The following KANSL3 variants were observed in gnomAD, a reference collection of about 807,000 sequenced individuals.
KANSL3 encodes NSL complex protein NSL3.
A neutral mutation model predicts 89.2 loss-of-function variants in KANSL3; 16 were observed. That is an observed-to-expected ratio of 0.18 (90% confidence interval 0.12 to 0.27). The LOEUF is 0.27. Among genes scored for constraint, KANSL3 ranks in the 10% least tolerant of loss-of-function variants. The probability of loss-of-function intolerance (pLI) is 1.00; values close to 1 mark genes in which losing one functional copy is unlikely to be tolerated. For missense variants in KANSL3, 879 were observed against 1,110.6 expected, an observed-to-expected ratio of 0.79 and a Z score of 2.96; for synonymous variants, 385 against 419.7, an observed-to-expected ratio of 0.92 and a Z score of 1.01.
At chr2:96,633,253 CA>C (rs1203356042) in intron 2 of KANSL3, among the ~76,000 whole-genome samples, 35 of 137,450 alleles carry the variant, frequency 2.5e-4, no homozygotes, top group Middle Eastern at 3.8e-3. Context: ...GACCTCGGCC[CA>C]AAAAAAAAAA....
the KANSL3 span, among the ~76,000 whole-genome samples, chr2:96,585,735 A>AT: frequency 2.0e-5 from 3 of 152,188 alleles, no homozygotes; most frequent in Non-Finnish European, 4.4e-5. Flanking sequence ...CAAAGAGTGG[A>AT]TAAAAAAAAA....
chr2:96,636,360 TATAAC>T (rs1277540274), intron 2 of KANSL3, among the ~76,000 whole-genome samples: 1 of 152,234 alleles, frequency 6.6e-6, no homozygotes, highest in Non-Finnish European at 1.5e-5. Flanking sequence ...TTCCTTACCC[TATAAC>T]ATAGGCTGGG....
intron 5 of KANSL3, among the ~76,000 whole-genome samples, chr2:96,618,132 T>C (rs2070552766): frequency 6.6e-6 from 1 of 151,306 alleles, no homozygotes; most frequent in South Asian, 2.1e-4. Context: ...CACTCCAGCC[T>C]GAGTGAGAGA....
intron 5 of KANSL3, among the ~76,000 whole-genome samples, chr2:96,614,414 T>C (rs2069573247): frequency 6.6e-6 from 1 of 152,174 alleles, no homozygotes; most frequent in Non-Finnish European, 1.5e-5. Flanking sequence ...TACAAGGATA[T>C]ATAATAACAC....
chr2:96,637,636 G>T (rs1056382588), intron 1 of KANSL3, among the ~76,000 whole-genome samples: 2 of 152,216 alleles, frequency 1.3e-5, no homozygotes, highest in Non-Finnish European at 2.9e-5. Flanking sequence ...TAGAGCGTGG[G>T]CACCCCTAAA....
chr2:96,621,591 G>A (rs1207169797), intron 3 of KANSL3, among the ~76,000 whole-genome samples: 4 of 151,768 alleles, frequency 2.6e-5, no homozygotes, highest in Non-Finnish European at 2.9e-5. Flanking sequence ...GGGAGGCTGA[G>A]GCAGGAGGAG....
At position 96,612,307 on chromosome 2, in the gene KANSL3, T is replaced by C. The variant is rs1170745210; in HGVS notation, c.1061A>G (p.Asn354Ser). The C allele has an allele frequency of 6.2e-7, 1 of 1,613,700 alleles. No individual in the cohort carries two copies. Among genetic ancestry groups the C allele is most frequent in the Admixed American group, 1.7e-5 (1 of 60,012 alleles). ...PHKPIILIGW[N>S]TGALVACHVS... is the part of the protein sequence containing the mutation. ...ATGACAGGCCACCAAAGCTCCTGTG[T>C]TCCAGCCAATCAAGATAATGGGTTT... Residue 354 changes from asparagine (N) to serine (S), a missense_variant, in exon 9 of 21, where the codon AAC (asparagine) becomes AGC (serine). By Grantham distance (46) the Asn-to-Ser change is conservative. This residue lies in a region of KANSL3 where 198 missense variants were observed against 260.3 expected (regional missense o/e 0.76). Coordinates refer to ENST00000431828, the MANE Select transcript of KANSL3 (RefSeq NM_001115016.3).
intron 11 of KANSL3, among the ~76,000 whole-genome samples, chr2:96,609,841 C>T (rs554600917): frequency 1.3e-5 from 2 of 149,184 alleles, no homozygotes; most frequent in African/African-American, 5.0e-5. Context: ...AATTCCTATA[C>T]CTATAGCTTA....
At chr2:96,592,391 T>C (rs373393282), downstream of KANSL3, among the ~76,000 whole-genome samples, 17 of 152,234 alleles carry the variant, frequency 1.1e-4, 1 homozygote, top group East Asian at 1.7e-3. Context: ...GGTGGAGGTA[T>C]AGGAAGTGCG....
At chr2:96,596,675 T>C (rs2066565527) in intron 20 of KANSL3, among the ~76,000 whole-genome samples, 2 of 152,212 alleles carry the variant, frequency 1.3e-5, no homozygotes, top group Admixed American at 6.5e-5. Flanking sequence ...TGGGCTTCCC[T>C]GCCCAAAGGC....
the KANSL3 span, among the ~76,000 whole-genome samples, chr2:96,581,093 G>A: frequency 1.3e-4 from 20 of 152,208 alleles, no homozygotes; most frequent in Non-Finnish European, 4.4e-5. Flanking sequence ...CCTGAGAAGA[G>A]AGCCCCAAAG....
At chr2:96,588,347 C>T (rs991306202), downstream of KANSL3, among the ~76,000 whole-genome samples, 1 of 152,208 alleles carries the variant, frequency 6.6e-6, no homozygotes, top group African/African-American at 2.4e-5. Context: ...AATTCAAGAA[C>T]AGAATTCTGT....
In KANSL3 at chr2:96,620,124, C is replaced by T. The variant is rs143444115; in HGVS notation, c.387-362G>A. Among the ~76,000 whole-genome samples, 188 of 152,252 alleles carry T rather than the reference C, an allele frequency of 1.2e-3. 1 individual carries two copies. Among genetic ancestry groups the T allele is most frequent in the African/African-American group, 4.3e-3 (179 of 41,540 alleles). ...TAAACGCACAGCACCACTGAACAGA[C>T]GACATATTTGAATTTCATAAGTTTT... is the stretch of plus-strand genomic sequence containing the variant. On this transcript the variant is annotated intron_variant, in intron 3 of 20. Coordinates refer to ENST00000431828, the MANE Select transcript of KANSL3 (RefSeq NM_001115016.3).
Position 96,604,721 on chromosome 2 carries a change from C to T in KANSL3, c.2018+58G>A, listed in dbSNP as rs375300501. On this transcript the variant is annotated intron_variant, in intron 16 of 20. Coordinates refer to ENST00000431828, the MANE Select transcript of KANSL3 (RefSeq NM_001115016.3). ...ATCATTTTCCAAAGCACTAAATAAA[C>T]CAGAAACAGAGGGAAGGGAAAAAAG... 1.6e-5 allele frequency: 23 copies of T among 1,445,770 alleles called. No individual in the cohort carries two copies. In the African/African-American group the frequency reaches 3.2e-4, roughly 20 times the overall value. 89.6% of individuals were successfully genotyped at this position (1,445,770 alleles called of 1,614,324 possible). A position where few individuals can be genotyped will look rare whatever the true frequency, so the allele number is the denominator to read the frequency against.
intron 1 of KANSL3, 30 bp from the exon 2 acceptor site, chr2:96,637,215 TTCC>T: frequency 1.2e-6 from 1 of 856,704 alleles, no homozygotes; most frequent in Non-Finnish European, 1.8e-6. Context: ...TTTAGGTCAA[TTCC>T]AATATCCTAA....
At chr2:96,617,877 T>G (rs1290677292) in intron 5 of KANSL3, among the ~76,000 whole-genome samples, 1 of 151,004 alleles carries the variant, frequency 6.6e-6, no homozygotes, top group Admixed American at 6.6e-5. Context: ...TCTCAGCTAC[T>G]CAGGAGGCTG....
At chr2:96,637,358 A>G in intron 1 of KANSL3, 173 bp from the exon 2 acceptor site, 4 of 493,376 alleles carry the variant, frequency 8.1e-6, no homozygotes, top group South Asian at 6.9e-5. Context: ...CCAAAAAAAA[A>G]GAAAAAAAAA....
chr2:96,609,154 C>A, intron 12 of KANSL3, 90 bp from the exon 13 acceptor site: 1 of 1,200,674 alleles, frequency 8.3e-7, no homozygotes, highest in South Asian at 1.4e-5. Context: ...ACAGATTCTC[C>A]CTCAGCTCTG....
At chr2:96,601,014 C>T (rs1457141338) in intron 20 of KANSL3, 30 of 482,894 alleles carry the variant, frequency 6.2e-5, no homozygotes, top group East Asian at 1.5e-4. Context: ...GGGCCAGGAG[C>T]GGTGGCTCAC....
Sources: gnomAD v4.1 joint callset for allele counts (sites outside exome capture counted in the v4.1 genomes callset) on GRCh38, gnomAD v4.1.1 for gene constraint, gnomAD v4.1.1 regional missense constraint, MANE v1.5 for transcripts, NCBI Gene and HGNC (gene_info 2026-07-23, HGNC 2026-07-21) for gene names.